Variants in WASHC3 observed in about 807,000 individuals in gnomAD.
WASHC3 encodes WASH complex subunit 3.
In WASHC3, 24 loss-of-function variants were observed where a neutral mutation model predicts 26.1. That is an observed-to-expected ratio of 0.92 (90% CI 0.66 to 1.29). The LOEUF is 1.29. Ranked by LOEUF, WASHC3 falls within the 50% of genes most tolerant of loss-of-function variation. WASHC3 has a pLI of 0.00. For synonymous variants in WASHC3, 77 were observed against 75.7 expected (o/e 1.02, Z -0.09); for missense variants, 214 against 229.6 (o/e 0.93, Z 0.44).
chr12:102,056,492 T>C lies in WASHC3; in HGVS notation c.150+4756A>G, dbSNP rs527565584. Reference sequence around the variant, plus strand: ...GATTCTATATCTTGTTCTACAACTATTCTACATCTTGATTATGGTATGATT... The same window carrying C: ...GATTCTATATCTTGTTCTACAACTACTCTACATCTTGATTATGGTATGATT... On this transcript the variant is annotated intron_variant, in intron 2 of 6. Transcript: ENST00000240079. Among the ~76,000 whole-genome samples, 126 of 152,328 alleles carry C rather than the reference T, an allele frequency of 8.3e-4. 1 individual carries two copies. The South Asian group carries it at 0.014, about 17-fold the overall frequency.
chr12:102,051,595 G>A (rs536244311), intron 2 of WASHC3, among the ~76,000 whole-genome samples: 1 of 152,294 alleles, frequency 6.6e-6, no homozygotes, highest in South Asian at 2.1e-4. Context: ...ATCAGATAAA[G>A]CAGTGCAATG....
chr12:102,052,751 C>T (rs1878443207), intron 2 of WASHC3, among the ~76,000 whole-genome samples: 1 of 152,126 alleles, frequency 6.6e-6, no homozygotes, highest in Admixed American at 6.5e-5. Context: ...TTAGGCCCAT[C>T]CCAGTAGGCC....
At chr12:102,017,439 A>G (rs183597380) in intron 6 of WASHC3, among the ~76,000 whole-genome samples, 3 of 152,356 alleles carry the variant, frequency 2.0e-5, no homozygotes, top group African/African-American at 7.2e-5. Context: ...AGTTGGAAAC[A>G]CTTGCGAAGA....
rs151151284 is a variant in WASHC3, at chr12:102,039,127, G to GTTTTTT, written c.435+740_435+741insAAAAAA. On this transcript the variant is annotated intron_variant, in intron 5 of 6. Transcript: ENST00000240079. ...AGGTGCATGCCATCATATGGAGTTA[G>GTTTTTT]GTTTTTTTTTTTTTTTTTTTTTTTA... 8.3e-5 allele frequency among the ~76,000 whole-genome samples: 7 copies of GTTTTTT among 84,230 alleles called. 1 individual carries two copies. The highest frequency in any genetic ancestry group is 2.4e-4 in the Admixed American group (2 of 8,218). 55.3% of individuals were successfully genotyped at this position (84,230 alleles called of 152,430 possible). A position where few individuals can be genotyped will look rare whatever the true frequency, so the allele number is the denominator to read the frequency against.
intron 5 of WASHC3, 74 bp from the exon 6 acceptor site, chr12:102,026,112 A>C: frequency 1.3e-6 from 1 of 776,522 alleles, no homozygotes; most frequent in Non-Finnish European, 2.1e-6. Flanking sequence ...CATCTAAAAC[A>C]AGACCTTCAG....
chr12:102,021,821 T>C (rs1038343162), intron 6 of WASHC3, among the ~76,000 whole-genome samples: 1 of 138,078 alleles, frequency 7.2e-6, no homozygotes, highest in Admixed American at 7.2e-5. Context: ...GAAAATCTGC[T>C]GGGCATGCCA....
At chr12:102,039,135 T>G (rs1179187149) in intron 5 of WASHC3, among the ~76,000 whole-genome samples, 3 of 146,644 alleles carry the variant, frequency 2.0e-5, no homozygotes, top group Non-Finnish European at 4.5e-5. Flanking sequence ...TAGGTTTTTT[T>G]TTTTTTTTTT....
At chr12:102,017,820 C>T (rs1055177070) in intron 6 of WASHC3, 3 of 430,946 alleles carry the variant, frequency 7.0e-6, no homozygotes, top group Non-Finnish European at 1.4e-5. Context: ...TTGTAAAATA[C>T]AGATAACATA....
chr12:102,019,711 TAAC>T (rs1023107164), intron 6 of WASHC3, among the ~76,000 whole-genome samples: 6 of 152,198 alleles, frequency 3.9e-5, no homozygotes, highest in African/African-American at 1.4e-4. Context: ...GTAAAATTCT[TAAC>T]AAAAGCAAAT....
chr12:102,044,835 A>G (rs958007158), intron 3 of WASHC3, among the ~76,000 whole-genome samples: 1 of 152,194 alleles, frequency 6.6e-6, no homozygotes, highest in African/African-American at 2.4e-5. Flanking sequence ...AGCTTTCACT[A>G]TGAAATAGTT....
rs563901583 is a variant in WASHC3 at position 102,049,395 on chromosome 12, T to C, written c.151-3276A>G. Among the ~76,000 whole-genome samples, 464 of 152,326 alleles carry C rather than the reference T, an allele frequency of 3.0e-3. 3 individuals are homozygous for C. Among genetic ancestry groups the C allele is most frequent in the African/African-American group, 0.01 (431 of 41,568 alleles). ...GCAAGAGGAAATGGAAAGGTAACAG[T>C]CTTTCCCATCCATTTAACCATCGTC... On this transcript the variant is annotated intron_variant, in intron 2 of 6. Coordinates refer to ENST00000240079, the MANE Select transcript of WASHC3 (RefSeq NM_016053.4).
At chr12:102,057,758 A>T (rs1447177666) in intron 2 of WASHC3, among the ~76,000 whole-genome samples, 1 of 152,164 alleles carries the variant, frequency 6.6e-6, no homozygotes, top group Non-Finnish European at 1.5e-5. Flanking sequence ...AAAAAATTGA[A>T]GAAGACACAA....
At chr12:102,049,831 A>T (rs1050999214) in intron 2 of WASHC3, among the ~76,000 whole-genome samples, 3 of 152,222 alleles carry the variant, frequency 2.0e-5, no homozygotes, top group Admixed American at 2.0e-4. Flanking sequence ...AGAGCAAATA[A>T]GGATTTAAGC....
chr12:102,044,103 A>C lies in WASHC3; in HGVS notation c.324+2T>G. 1 of 1,539,378 alleles carries C rather than the reference A, an allele frequency of 6.5e-7. No individual in the cohort carries two copies. The highest frequency in any genetic ancestry group is 8.9e-7 in the Non-Finnish European group (1 of 1,119,172). On this transcript the variant is annotated splice_donor_variant, in intron 4 of 6. Coordinates refer to ENST00000240079, the MANE Select transcript of WASHC3 (RefSeq NM_016053.4). LOFTEE classifies it high-confidence loss of function. The stretch of plus-strand genomic sequence containing the variant: ...TCTGCTCGTTTCTTAGAACTCACTT[A>C]CCTGTGGTTGCTCTGAAGTGGCTTC...
intron 2 of WASHC3, among the ~76,000 whole-genome samples, chr12:102,056,189 A>C (rs1230616087): frequency 1.3e-5 from 2 of 152,242 alleles, no homozygotes; most frequent in African/African-American, 2.4e-5. Flanking sequence ...GTTGAGGCAT[A>C]TATATGGCAA....
At chr12:102,031,028 T>C (rs1304324902) in intron 5 of WASHC3, among the ~76,000 whole-genome samples, 2 of 152,204 alleles carry the variant, frequency 1.3e-5, no homozygotes, top group Admixed American at 1.3e-4. Context: ...ACAGTATGAC[T>C]GGTTCTAAGC....
intron 4 of WASHC3, among the ~76,000 whole-genome samples, chr12:102,042,211 T>C (rs1877967251): frequency 6.6e-6 from 1 of 152,214 alleles, no homozygotes; most frequent in Non-Finnish European, 1.5e-5. Context: ...TAAACTCCTC[T>C]ACAACATCTG....
intron 5 of WASHC3, among the ~76,000 whole-genome samples, chr12:102,038,058 G>A: frequency 6.6e-6 from 1 of 152,134 alleles, no homozygotes; most frequent in Admixed American, 6.5e-5. Flanking sequence ...GCCTCCCAAA[G>A]TGCTGGGATT....
Position 102,061,366 on chromosome 12 carries a change from AC to A in WASHC3, c.52-21del. ...TGGCACCTGTGTTACGTAAAAACAA[AC>A]ATGGTTCATACAGGAGGAACGTACA... On this transcript the variant is annotated intron_variant, in intron 1 of 6. Coordinates refer to ENST00000240079, the MANE Select transcript of WASHC3 (RefSeq NM_016053.4). 1 of 1,534,334 alleles carries A rather than the reference AC, an allele frequency of 6.5e-7. No homozygotes were observed. The highest frequency in any genetic ancestry group is 9.0e-7 in the Non-Finnish European group (1 of 1,107,824).
Sources: allele counts gnomAD v4.1 joint callset (sites outside exome capture counted in the v4.1 genomes callset), GRCh38; gene constraint gnomAD v4.1.1; transcripts MANE v1.5; gene names NCBI Gene and HGNC (gene_info 2026-07-23, HGNC 2026-07-21).